The following C17orf75 variants were observed in gnomAD, a reference collection of about 807,000 sequenced individuals.
C17orf75 encodes the protein chromosome 17 open reading frame 75.
In C17orf75, 32 loss-of-function variants were observed where a neutral mutation model predicts 49.6. That is an observed-to-expected ratio of 0.65 (90% CI 0.49 to 0.87). The LOEUF is 0.87. Ranked by LOEUF, C17orf75 falls within the 40% of genes least tolerant of loss-of-function variation. The pLI, the probability that C17orf75 is intolerant of heterozygous loss-of-function variation, is 0.00. For missense variants in C17orf75, 428 were observed against 473.9 expected, an observed-to-expected ratio of 0.90 and a Z score of 0.90; for synonymous variants, 158 against 159.5, an observed-to-expected ratio of 0.99 and a Z score of 0.07.
At chr17:32,340,611 C>T (rs1320493501) in intron 2 of C17orf75, among the ~76,000 whole-genome samples, 1 of 150,542 alleles carries the variant, frequency 6.6e-6, no homozygotes, top group African/African-American at 2.5e-5. Flanking sequence ...CACCACTGCA[C>T]TCCAGACTGG....
At position 32,341,263 on chromosome 17, in the gene C17orf75, G is replaced by C. The variant is rs2041377771; in HGVS notation, c.162C>G (p.Asp54Glu). 1 of 1,613,812 alleles carries C rather than the reference G, an allele frequency of 6.2e-7. No homozygotes were observed. Among genetic ancestry groups the C allele is most frequent in the African/African-American group, 1.3e-5 (1 of 74,890 alleles). The change falls in exon 2 of 10, where the codon GAC (aspartate) becomes GAG (glutamate). Residue 54 changes from aspartate to glutamate, a missense_variant. Asp to Glu is a conservative substitution (Grantham distance 45). Transcript: ENST00000577809. Reference protein sequence around the residue: ...RGSRLAQQRGDSEDGSPSGTN... With the variant: ...RGSRLAQQRGESEDGSPSGTN... ...TGCCACTTGGGCTTCCGTCCTCACT[G>C]TCCCCTCGTTGCTGTGCCAATCTAC...
At chr17:32,343,769 G>T, upstream of C17orf75, 1 of 638,578 alleles carries the variant, frequency 1.6e-6, no homozygotes, top group Non-Finnish European at 2.8e-6. Flanking sequence ...ATTTAAAAGA[G>T]GATTCTGATT....
At chr17:32,344,219 G>C, upstream of C17orf75, 2 of 404,554 alleles carry the variant, frequency 4.9e-6, no homozygotes, top group South Asian at 5.3e-5. Flanking sequence ...GGCTGGTCTT[G>C]AACTCCTGGG....
At position 32,340,791 on chromosome 17, in the gene C17orf75, A is replaced by G. The variant is rs2041372207; in HGVS notation, c.221+413T>C. ...ATGGTGAAACCCCATCTCTACCAGA[A>G]ATACAAAAATTAGCCAGGCGTGGTG... On this transcript the variant is annotated intron_variant, in intron 2 of 9. Coordinates refer to ENST00000577809, the MANE Select transcript of C17orf75 (RefSeq NM_022344.4). The G allele has an allele frequency of 7.2e-5, 13 of 180,630 alleles. No homozygotes were observed. The South Asian group carries it at 1.4e-3, about 19-fold the overall frequency. 11.2% of individuals were successfully genotyped at this position (180,630 alleles called of 1,614,324 possible).
At chr17:32,341,014 G>A (rs2041374482) in intron 2 of C17orf75, 190 bp downstream of exon 2, 2 of 626,256 alleles carry the variant, frequency 3.2e-6, no homozygotes, top group African/African-American at 3.7e-5. Context: ...TCAGTATGTG[G>A]ATTTGTTTGC....
rs2041258641 is a variant in C17orf75, at chr17:32,329,608, G to A, written c.*2155C>T. On this transcript the variant is annotated 3_prime_UTR_variant, in exon 10 of 10. Coordinates refer to ENST00000577809, the MANE Select transcript of C17orf75 (RefSeq NM_022344.4). ...CACAGAGAATATGTAATTACACCTT[G>A]CCTATATCCATAAATGATTTGAAGC... is the stretch of plus-strand genomic sequence containing the variant. 1 of 151,754 alleles carries A rather than the reference G, an allele frequency of 6.6e-6. No homozygotes were observed. The highest frequency in any genetic ancestry group is 1.5e-5 in the Non-Finnish European group (1 of 67,978). 9.4% of individuals were successfully genotyped at this position (151,754 alleles called of 1,614,324 possible).
chr17:32,339,731 A>G (rs2041360824), intron 3 of C17orf75, 82 bp downstream of exon 3: 2 of 1,557,064 alleles, frequency 1.3e-6, no homozygotes, highest in Admixed American at 1.8e-5. Context: ...GTCTAGTAGG[A>G]GCTGATCTTT....
Position 32,332,019 on chromosome 17 carries a change from T to C in C17orf75, c.976-41A>G, listed in dbSNP as rs762443118. On this transcript the variant is annotated intron_variant, in intron 9 of 9. Coordinates refer to ENST00000577809, the MANE Select transcript of C17orf75 (RefSeq NM_022344.4). Reference sequence around the variant, plus strand: ...CCAGTTAAAAATGTGTTAAGTGAAATAATAATGAAGCTCAAAAAATAACTC... The same window carrying C: ...CCAGTTAAAAATGTGTTAAGTGAAACAATAATGAAGCTCAAAAAATAACTC... 1.6e-5 allele frequency: 25 copies of C among 1,519,228 alleles called. No homozygotes were observed. In the African/African-American group the frequency reaches 3.3e-4, roughly 20 times the overall value. 94.1% of individuals were successfully genotyped at this position (1,519,228 alleles called of 1,614,324 possible).
At chr17:32,335,536 C>T in intron 5 of C17orf75, 94 bp from the exon 6 acceptor site, 1 of 1,438,908 alleles carries the variant, frequency 6.9e-7, no homozygotes, top group Non-Finnish European at 9.4e-7. Context: ...GTGAAAAAGA[C>T]CAGGATAGAC....
chr17:32,343,914 T>C (rs1385405926), upstream of C17orf75: 2 of 682,218 alleles, frequency 2.9e-6, no homozygotes, highest in South Asian at 3.0e-5. Context: ...AAACTCATAG[T>C]AGATATTTGG....
At chr17:32,333,612 C>T (rs2041297715) in intron 8 of C17orf75, 92 bp from the exon 9 acceptor site, 5 of 1,156,436 alleles carry the variant, frequency 4.3e-6, no homozygotes, top group Non-Finnish European at 6.3e-6. Context: ...CTCTTGTTGC[C>T]CGGCTGGAGT....
In C17orf75 at chr17:32,339,918, T is replaced by G. The variant is rs775953077; in HGVS notation, c.242A>C (p.Asn81Thr). Residue 81 changes from asparagine to threonine, a missense_variant, in exon 3 of 10, where the codon AAT (asparagine) becomes ACT (threonine). Transcript: ENST00000577809. ...DDFSLSLADT[N>T]LPSEVEPELR... ...CTCTGGCTCCACTTCGGATGGTAGATTAGTATCTGCCAAGGAGAGGCTTGA... is the reference window on the plus strand; with the variant it reads ...CTCTGGCTCCACTTCGGATGGTAGAGTAGTATCTGCCAAGGAGAGGCTTGA... The G allele has an allele frequency of 1.2e-6, 2 of 1,613,980 alleles. No individual in the cohort carries two copies. Among genetic ancestry groups the G allele is most frequent in the Non-Finnish European group, 1.7e-6 (2 of 1,179,882 alleles).
upstream of C17orf75, among the ~76,000 whole-genome samples, chr17:32,344,498 T>G (rs2041409283): frequency 6.7e-6 from 1 of 149,834 alleles, no homozygotes; most frequent in South Asian, 2.1e-4. Flanking sequence ...GCACCTGTAG[T>G]CCCAGCTAGT....
rs939223007 is a variant in C17orf75, at chr17:32,341,732, C to A, written c.140+268G>T. 1.7e-5 allele frequency: 16 copies of A among 932,736 alleles called. No individual in the cohort carries two copies. In the Admixed American group the frequency reaches 3.6e-4, roughly 21 times the overall value. The allele number at this position is 932,736 out of a possible 1,614,324, so 57.8% of individuals were successfully genotyped here. A position where few individuals can be genotyped will look rare whatever the true frequency, so the allele number is the denominator to read the frequency against. ...GGCACTGCGCTAAACAAAGGGCAGC[C>A]GCGAGAGTAAGAGGCTGGGATGATA... On this transcript the variant is annotated intron_variant, in intron 1 of 9. Transcript: ENST00000577809.
rs1423776063 is a variant in C17orf75, at chr17:32,341,864, T to C, written c.140+136A>G. The C allele has an allele frequency of 3.7e-6, 4 of 1,079,982 alleles. No homozygotes were observed. The African/African-American group carries it at 5.1e-5, about 14-fold the overall frequency. 66.9% of individuals were successfully genotyped at this position (1,079,982 alleles called of 1,614,324 possible). On this transcript the variant is annotated intron_variant, in intron 1 of 9. Transcript: ENST00000577809. The stretch of plus-strand genomic sequence containing the variant: ...AGGAGCGCCCTTCAGGCCAGAGACC[T>C]TGGCTGGGAGAGGAGAAGATGGCTT...
chr17:32,346,441 A>G (rs974557976), upstream of C17orf75, among the ~76,000 whole-genome samples: 1 of 152,182 alleles, frequency 6.6e-6, no homozygotes, highest in Non-Finnish European at 1.5e-5. Flanking sequence ...TCATAGAGAC[A>G]GGATATTGCT....
At chr17:32,335,858 G>A (rs1195316813) in intron 5 of C17orf75, among the ~76,000 whole-genome samples, 1 of 152,272 alleles carries the variant, frequency 6.6e-6, no homozygotes, top group East Asian at 1.9e-4. Context: ...CTTATTAAGT[G>A]CCTTTTGAAT....
In C17orf75 at chr17:32,334,505, C is replaced by A. The variant is rs368181633; in HGVS notation, c.835G>T (p.Asp279Tyr). ...AACTGAGGCTGGGAGCTGCTGCAAT[C>A]GATGACCACAGACTTATGCTGCTCC... ...TEEQHKSVVI[D>Y]CSSSQPQFCN... is the part of the protein sequence containing the mutation. The change falls in exon 8 of 10, where the codon GAT (aspartate) becomes TAT (tyrosine). Residue 279 changes from aspartate (D) to tyrosine (Y), a missense_variant. By Grantham distance (160) the Asp-to-Tyr change is radical. Coordinates refer to ENST00000577809, the MANE Select transcript of C17orf75 (RefSeq NM_022344.4). 3 of 1,612,064 alleles carry A rather than the reference C, an allele frequency of 1.9e-6. No homozygotes were observed. Among genetic ancestry groups the A allele is most frequent in the Non-Finnish European group, 2.5e-6 (3 of 1,179,244 alleles).
intron 1 of C17orf75, among the ~76,000 whole-genome samples, chr17:32,349,133 T>C (rs944187458): frequency 1.3e-5 from 2 of 151,630 alleles, no homozygotes; most frequent in Non-Finnish European, 2.9e-5. Flanking sequence ...TGGCCCATAG[T>C]GTTGGGATTA....
Sources: allele counts gnomAD v4.1 joint callset (sites outside exome capture counted in the v4.1 genomes callset), GRCh38; gene constraint gnomAD v4.1.1; transcripts MANE v1.5; gene names NCBI Gene and HGNC (gene_info 2026-07-23, HGNC 2026-07-21).